CHLSN: variants seen among roughly 807,000 people sequenced by gnomAD.
CHLSN encodes the protein protein cholesin.
At chr7:1,063,069 T>G in the CHLSN span, among the ~76,000 whole-genome samples, 3 of 151,860 alleles carry the variant, frequency 2.0e-5, no homozygotes, top group Non-Finnish European at 4.4e-5. Flanking sequence ...CCCCCTCCGT[T>G]CTCTCTGGGC....
the CHLSN span, among the ~76,000 whole-genome samples, chr7:1,069,245 C>T: frequency 6.6e-6 from 1 of 152,250 alleles, no homozygotes; most frequent in Non-Finnish European, 1.5e-5. Context: ...GCAGGAGAAT[C>T]GCTTGAACCT....
At chr7:1,116,130 G>GGAT in the CHLSN span, among the ~76,000 whole-genome samples, 2 of 117,092 alleles carry the variant, frequency 1.7e-5, no homozygotes, top group Non-Finnish European at 3.5e-5. Flanking sequence ...TGCCCATGCA[G>GGAT]GATGACATAA....
At chr7:1,063,139 C>T in the CHLSN span, among the ~76,000 whole-genome samples, 130 of 152,322 alleles carry the variant, frequency 8.5e-4, no homozygotes, top group Middle Eastern at 3.4e-3. Context: ...TGCTCAGCCA[C>T]CTTGACTCGC....
chr7:1,064,736 C>G, the CHLSN span, among the ~76,000 whole-genome samples: 5 of 152,214 alleles, frequency 3.3e-5, no homozygotes, highest in Non-Finnish European at 7.3e-5. Flanking sequence ...GTGGGGCCAG[C>G]AGGGACCCTG....
chr7:990,755 G>T, the CHLSN span, among the ~76,000 whole-genome samples: 1 of 152,230 alleles, frequency 6.6e-6, no homozygotes, highest in African/African-American at 2.4e-5. Context: ...TCAGACATTT[G>T]AAATATGACA....
the CHLSN span, among the ~76,000 whole-genome samples, chr7:1,005,665 G>T: frequency 6.6e-6 from 1 of 152,250 alleles, no homozygotes; most frequent in African/African-American, 2.4e-5. Context: ...AGGGTTCCAG[G>T]CCCGGAGGCC....
At chr7:1,101,419 G>A in the CHLSN span, among the ~76,000 whole-genome samples, 3 of 152,200 alleles carry the variant, frequency 2.0e-5, no homozygotes, top group Admixed American at 6.5e-5. Flanking sequence ...AGGCGCGTGC[G>A]GCGTCGGACC....
At chr7:997,865 G>A in the CHLSN span, 2 of 1,476,558 alleles carry the variant, frequency 1.4e-6, no homozygotes, top group Non-Finnish European at 1.9e-6. Context: ...CTGAACAGCA[G>A]GAGACAAGAC....
At chr7:1,097,512 G>T in the CHLSN span, among the ~76,000 whole-genome samples, 1 of 143,962 alleles carries the variant, frequency 6.9e-6, no homozygotes, top group African/African-American at 2.6e-5. The surrounding 1 kb of genome is among the most constrained non-coding windows in gnomAD (Gnocchi z 4.3). Flanking sequence ...AAGAATGCAT[G>T]AATGGGAAGA....
At chr7:1,091,718 G>A in the CHLSN span, 391 of 1,509,172 alleles carry the variant, frequency 2.6e-4, 2 homozygotes, top group South Asian at 4.0e-3. Flanking sequence ...AAAGCTGCAC[G>A]GTGCAGAGAC....
the CHLSN span, among the ~76,000 whole-genome samples, chr7:991,642 A>C: frequency 6.6e-6 from 1 of 152,220 alleles, no homozygotes; most frequent in African/African-American, 2.4e-5. Flanking sequence ...CTTGGCACGG[A>C]TGGGACAGGC....
chr7:1,119,603 C>T, the CHLSN span, among the ~76,000 whole-genome samples: 2 of 152,194 alleles, frequency 1.3e-5, no homozygotes, highest in African/African-American at 4.8e-5. Context: ...TGGCTGGGCG[C>T]AGTGGCTCAC....
the CHLSN span, chr7:1,057,588 G>A: frequency 3.9e-6 from 3 of 771,856 alleles, no homozygotes; most frequent in African/African-American, 3.4e-5. Flanking sequence ...CCTGCAGCTG[G>A]GGCTGTCACT....
the CHLSN span, among the ~76,000 whole-genome samples, chr7:1,131,896 T>G: frequency 6.6e-6 from 1 of 152,214 alleles, no homozygotes; most frequent in Non-Finnish European, 1.5e-5. Context: ...TGAATGTTTG[T>G]TATGGAAAAT....
the CHLSN span, chr7:1,057,800 G>T: frequency 1.3e-6 from 1 of 776,126 alleles, no homozygotes; most frequent in African/African-American, 1.7e-5. Flanking sequence ...GGGCGCTGTG[G>T]AGTGTGGGCG....
At chr7:1,099,119 G>A in the CHLSN span, among the ~76,000 whole-genome samples, 3 of 136,000 alleles carry the variant, frequency 2.2e-5, no homozygotes, top group Non-Finnish European at 3.2e-5. Context: ...CCTCGCTGTC[G>A]CGTTCCTGCA....
the CHLSN span, among the ~76,000 whole-genome samples, chr7:1,135,202 C>T: frequency 5.3e-3 from 813 of 152,232 alleles, 8 homozygotes; most frequent in African/African-American, 0.019. Flanking sequence ...CTCACTCCCT[C>T]GTGATCCCAT....
At chr7:1,068,721 C>T in the CHLSN span, among the ~76,000 whole-genome samples, 1 of 152,170 alleles carries the variant, frequency 6.6e-6, no homozygotes, top group African/African-American at 2.4e-5. Flanking sequence ...TCGTCTGCAA[C>T]ATAGCTTGTT....
At chr7:994,018 C>T in the CHLSN span, among the ~76,000 whole-genome samples, 4 of 152,186 alleles carry the variant, frequency 2.6e-5, no homozygotes, top group East Asian at 1.9e-4. Context: ...GCCTGCTCTG[C>T]GTGTTCGCAC....
Sources: allele counts gnomAD v4.1 joint callset (sites outside exome capture counted in the v4.1 genomes callset), GRCh38; gene constraint gnomAD v4.1.1; non-coding constraint Gnocchi (gnomAD v3.1); transcripts MANE v1.5; gene names NCBI Gene and HGNC (gene_info 2026-07-23, HGNC 2026-07-21).